The following TBL1XR1 variants were observed in gnomAD, a reference collection of about 807,000 sequenced individuals.
The protein encoded by TBL1XR1 is TBL1X/Y related 1, also known as F-box-like/WD repeat-containing protein TBL1XR1.
A neutral mutation model predicts 66.9 loss-of-function variants in TBL1XR1; 5 were observed. The observed-to-expected ratio is 0.07, with a 90% CI of 0.04 to 0.16. The LOEUF is 0.16. TBL1XR1 is among the 10% of genes least tolerant of loss of function. The pLI is 1.00. For synonymous variants in TBL1XR1, 210 were observed against 206.0 expected (o/e 1.02, Z -0.17); for missense variants, 238 against 623.2 (o/e 0.38, Z 6.58).
intron 4 of TBL1XR1, among the ~76,000 whole-genome samples, chr3:177,053,572 A>G (rs1413129304): frequency 6.6e-6 from 1 of 152,214 alleles, no homozygotes; most frequent in Non-Finnish European, 1.5e-5. Flanking sequence ...ATTAAGGCAA[A>G]CAAACTACAG....
intron 1 of TBL1XR1, among the ~76,000 whole-genome samples, chr3:177,152,783 T>C (rs1731049652): frequency 6.6e-6 from 1 of 152,204 alleles, no homozygotes; most frequent in Admixed American, 6.6e-5. Context: ...CTAATTACCT[T>C]ATTATTGCTT....
In TBL1XR1 at chr3:177,187,943, C is replaced by CTTTTTTTTTTTTTT. The variant is rs571361204; in HGVS notation, c.-122+9164_-122+9177dup. 6.4e-4 allele frequency among the ~76,000 whole-genome samples: 50 copies of CTTTTTTTTTTTTTT among 77,838 alleles called. 8 individuals carry two copies. Among genetic ancestry groups the CTTTTTTTTTTTTTT allele is most frequent in the African/African-American group, 3.0e-3 (46 of 15,096 alleles). 51.1% of individuals were successfully genotyped at this position (77,838 alleles called of 152,430 possible). On this transcript the variant is annotated intron_variant, in intron 1 of 15. Transcript: ENST00000457928. ...GCTTGAGAGTCCAGAGTACAATTTC[C>CTTTTTTTTTTTTTT]TTTTTTTTTTTTTTTTTTTTTTTTG...
At chr3:177,140,081 T>C (rs1281106811) in intron 1 of TBL1XR1, among the ~76,000 whole-genome samples, 1 of 152,270 alleles carries the variant, frequency 6.6e-6, no homozygotes, top group East Asian at 1.9e-4. Flanking sequence ...GGTGGACAGA[T>C]CACCAGGTCA....
chr3:177,023,025 GAA>G lies in TBL1XR1; in HGVS notation c.*2471_*2472del, dbSNP rs58640664. On this transcript the variant is annotated 3_prime_UTR_variant, in exon 16 of 16. Transcript: ENST00000457928. Reference sequence around the variant, plus strand: ...AAGTAAAATAGCTAAAGAAAAAAAAGAAAAAAAAAACAGAAAAGATGACAATA... The same window carrying G: ...AAGTAAAATAGCTAAAGAAAAAAAAGAAAAAAAACAGAAAAGATGACAATA... The G allele has an allele frequency of 1.4e-5, 2 of 144,900 alleles. No individual in the cohort carries two copies. The highest frequency in any genetic ancestry group is 5.0e-5 in the African/African-American group (2 of 39,758). 9.0% of individuals were successfully genotyped at this position (144,900 alleles called of 1,614,324 possible).
chr3:177,167,563 C>T (rs533956398), intron 1 of TBL1XR1, among the ~76,000 whole-genome samples: 5 of 152,254 alleles, frequency 3.3e-5, no homozygotes, highest in South Asian at 4.1e-4. Flanking sequence ...ACTGGGGACA[C>T]GAGGCAGAGG....
chr3:177,190,955 A>G (rs1736068264), intron 1 of TBL1XR1, among the ~76,000 whole-genome samples: 1 of 152,198 alleles, frequency 6.6e-6, no homozygotes, highest in Admixed American at 6.5e-5. Context: ...GTGCAATGGA[A>G]TCTCAGAGAA....
intron 1 of TBL1XR1, among the ~76,000 whole-genome samples, chr3:177,119,017 G>A (rs1726658322): frequency 6.6e-6 from 1 of 152,086 alleles, no homozygotes; most frequent in South Asian, 2.1e-4. Context: ...TGTACCCCAG[G>A]CTGGAGTGCA....
intron 1 of TBL1XR1, among the ~76,000 whole-genome samples, chr3:177,166,761 C>T (rs1299503952): frequency 1.3e-5 from 2 of 152,164 alleles, no homozygotes; most frequent in Non-Finnish European, 2.9e-5. Context: ...TTACTACATA[C>T]ACCATTAGGG....
chr3:177,069,795 A>AGGAAGGGAAGGAAG (rs1553824734), intron 2 of TBL1XR1, among the ~76,000 whole-genome samples: 6 of 70,650 alleles, frequency 8.5e-5, no homozygotes, highest in African/African-American at 2.9e-4. Context: ...AAGGAAGGAA[A>AGGAAGGGAAGGAAG]GGAAGGAAGG....
chr3:177,127,646 T>C (rs1013624502), intron 1 of TBL1XR1, among the ~76,000 whole-genome samples: 2 of 152,192 alleles, frequency 1.3e-5, no homozygotes, highest in South Asian at 2.1e-4. Flanking sequence ...GTATCAAACA[T>C]GCAGTTCTAT....
In TBL1XR1 at chr3:177,098,645, C is replaced by T. The variant is rs77095870; in HGVS notation, c.-121-104G>A. The T allele has an allele frequency of 7.9e-4, 416 of 529,464 alleles. 26 individuals carry two copies. In the East Asian group the frequency reaches 0.056, roughly 71 times the overall value. The allele number at this position is 529,464 out of a possible 1,614,324, so 32.8% of individuals were successfully genotyped here. A position where few individuals can be genotyped will look rare whatever the true frequency, so the allele number is the denominator to read the frequency against. ...ATGTTTGAAATATTCTTTAAGGTCC[C>T]CACCAGTGAATTTCTTTCTCCCCCA... On this transcript the variant is annotated intron_variant, in intron 1 of 15. Coordinates refer to ENST00000457928, the MANE Select transcript of TBL1XR1 (RefSeq NM_024665.7).
intron 1 of TBL1XR1, among the ~76,000 whole-genome samples, chr3:177,185,837 C>G (rs1280806336): frequency 6.6e-6 from 1 of 151,930 alleles, no homozygotes; most frequent in African/African-American, 2.4e-5. Context: ...GATCCTCTCT[C>G]TACAAAAAAT....
At chr3:177,183,534 G>A (rs149016096) in intron 1 of TBL1XR1, among the ~76,000 whole-genome samples, 26 of 152,108 alleles carry the variant, frequency 1.7e-4, no homozygotes, top group African/African-American at 5.1e-4. Flanking sequence ...TTTTTGAGAC[G>A]GAGTTTCACT....
intron 1 of TBL1XR1, among the ~76,000 whole-genome samples, chr3:177,192,463 G>A (rs1285592127): frequency 6.7e-6 from 1 of 150,196 alleles, no homozygotes; most frequent in African/African-American, 2.4e-5. Flanking sequence ...GTAGGCTTAA[G>A]AAGTCCAACC....
intron 3 of TBL1XR1, among the ~76,000 whole-genome samples, chr3:177,061,434 A>T (rs552784383): frequency 2.6e-5 from 4 of 152,072 alleles, no homozygotes; most frequent in South Asian, 2.1e-4. Context: ...GTTCTTACAT[A>T]AAAAAAGTAT....
chr3:177,029,390 C>T (rs1406191954), intron 14 of TBL1XR1, among the ~76,000 whole-genome samples: 1 of 152,120 alleles, frequency 6.6e-6, no homozygotes, highest in Non-Finnish European at 1.5e-5. Flanking sequence ...AAGGCTGAGG[C>T]AAGTGGATCC....
chr3:177,043,584 TA>T (rs2108461361), intron 10 of TBL1XR1, among the ~76,000 whole-genome samples: 1 of 152,306 alleles, frequency 6.6e-6, no homozygotes, highest in Non-Finnish European at 1.5e-5. Context: ...AGCCTATTGA[TA>T]TTTTTGTATT....
chr3:177,052,860 T>C (rs1717284718), intron 4 of TBL1XR1, among the ~76,000 whole-genome samples: 1 of 152,168 alleles, frequency 6.6e-6, no homozygotes, highest in Non-Finnish European at 1.5e-5. Flanking sequence ...TTCCAGCACT[T>C]TGGGAGGCCG....
intron 1 of TBL1XR1, among the ~76,000 whole-genome samples, chr3:177,196,786 G>A (rs927587386): frequency 6.6e-6 from 1 of 151,852 alleles, no homozygotes; most frequent in Non-Finnish European, 1.5e-5. Context: ...CACGAAGGGA[G>A]GAAGAGGGGG....
Sources: gnomAD v4.1 joint callset for allele counts (sites outside exome capture counted in the v4.1 genomes callset) on GRCh38, gnomAD v4.1.1 for gene constraint, MANE v1.5 for transcripts, NCBI Gene and HGNC (gene_info 2026-07-23, HGNC 2026-07-21) for gene names.